SCPEP1: variants seen among roughly 807,000 people sequenced by gnomAD.
The protein encoded by SCPEP1 is retinoid-inducible serine carboxypeptidase.
In SCPEP1, 51 loss-of-function variants were observed where a neutral mutation model predicts 63.8. That is an observed-to-expected ratio of 0.80 (90% CI 0.64 to 1.01). The LOEUF is 1.01. Ranked by LOEUF, SCPEP1 falls within the 50% of genes least tolerant of loss-of-function variation. The pLI, the probability that SCPEP1 is intolerant of heterozygous loss-of-function variation, is 0.00. For missense variants in SCPEP1, 499 were observed against 554.9 expected, an observed-to-expected ratio of 0.90 and a Z score of 1.01; for synonymous variants, 204 against 207.8, an observed-to-expected ratio of 0.98 and a Z score of 0.16.
chr17:56,987,542 T>C, intron 3 of SCPEP1, 153 bp from the exon 4 acceptor site: 1 of 684,750 alleles, frequency 1.5e-6, no homozygotes, highest in African/African-American at 1.8e-5. Flanking sequence ...TCCTGTCCCT[T>C]ATTTTTAAAA....
At position 57,001,035 on chromosome 17, in the gene SCPEP1, G is replaced by C. The variant is rs761926474; in HGVS notation, c.1132+43G>C. Reference sequence around the variant, plus strand: ...GAGGCACCTAGAGGCAGTTTTATGGGTTCAACTGGAAGGGAACTGGCCTTG... The same window carrying C: ...GAGGCACCTAGAGGCAGTTTTATGGCTTCAACTGGAAGGGAACTGGCCTTG... On this transcript the variant is annotated intron_variant, in intron 11 of 12. Coordinates refer to ENST00000262288, the MANE Select transcript of SCPEP1 (RefSeq NM_021626.3). The C allele has an allele frequency of 2.1e-5, 33 of 1,608,692 alleles. No homozygotes were observed. The South Asian group carries it at 3.6e-4, about 18-fold the overall frequency.
Position 56,981,211 on chromosome 17 carries a change from C to T in SCPEP1, c.206C>T (p.Pro69Leu). The change falls in exon 2 of 13, where the codon CCC becomes CTC. Residue 69 changes from proline to leucine, a missense_variant. Transcript: ENST00000262288. ...TNSCKNFSELPLVMWLQGGPG... is the reference protein window; with the variant it reads ...TNSCKNFSELLLVMWLQGGPG... ...TCCTGCAAGAACTTCTCAGAACTGC[C>T]CCTGGTCATGTGGCTTCAGGTAAAG... 1 of 1,614,186 alleles carries T rather than the reference C, an allele frequency of 6.2e-7. No homozygotes were observed. Among genetic ancestry groups the T allele is most frequent in the Non-Finnish European group, 8.5e-7 (1 of 1,180,038 alleles).
rs1368060923 is a variant in SCPEP1 at position 57,006,238 on chromosome 17, T to G, written c.*3T>G. 1 of 1,610,626 alleles carries G rather than the reference T, an allele frequency of 6.2e-7. No individual in the cohort carries two copies. The highest frequency in any genetic ancestry group is 8.5e-7 in the Non-Finnish European group (1 of 1,178,438). On this transcript the variant is annotated 3_prime_UTR_variant, in exon 13 of 13. Coordinates refer to ENST00000262288, the MANE Select transcript of SCPEP1 (RefSeq NM_021626.3). ...GACTGGTGACTCAGCAAGAATAGGA[T>G]GGATGGGGCTGGAGATGAGCTGGTT...
At position 56,991,888 on chromosome 17, in the gene SCPEP1, C is replaced by T. The variant is rs1225917940; in HGVS notation, c.619+717C>T. Reference sequence around the variant, plus strand: ...TACTCAGGAGATGCTAGTAGCACCGCTCCAGTGTGACAACCAGAAATGTCT... The same window carrying T: ...TACTCAGGAGATGCTAGTAGCACCGTTCCAGTGTGACAACCAGAAATGTCT... On this transcript the variant is annotated intron_variant, in intron 6 of 12. Transcript: ENST00000262288. Among the ~76,000 whole-genome samples, 3 of 152,350 alleles carry T rather than the reference C, an allele frequency of 2.0e-5. No individual in the cohort carries two copies. The East Asian group carries it at 5.8e-4, about 29-fold the overall frequency.
chr17:56,978,743 G>C (rs1467116253), intron 1 of SCPEP1, among the ~76,000 whole-genome samples: 1 of 152,104 alleles, frequency 6.6e-6, no homozygotes, highest in Non-Finnish European at 1.5e-5. Context: ...TGTTTAATAG[G>C]ATGACTTGCA....
At chr17:56,983,869 C>T (rs553945242) in intron 2 of SCPEP1, 4 of 151,826 alleles carry the variant, frequency 2.6e-5, no homozygotes, top group Non-Finnish European at 5.9e-5. Flanking sequence ...CACAAATTGC[C>T]CTGGCTTTTG....
intron 11 of SCPEP1, 41 bp downstream of exon 11, chr17:57,001,033 G>A (rs2144507897): frequency 6.2e-7 from 1 of 1,609,146 alleles, no homozygotes; most frequent in Middle Eastern, 1.7e-4. Flanking sequence ...GCAGTTTTAT[G>A]GGTTCAACTG....
At chr17:57,001,878 C>T in intron 11 of SCPEP1, 140 bp from the exon 12 acceptor site, 1 of 871,930 alleles carries the variant, frequency 1.1e-6, no homozygotes. Context: ...TCTTCTGAAT[C>T]AGAATTTGCA....
intron 12 of SCPEP1, among the ~76,000 whole-genome samples, chr17:57,004,789 A>C (rs1175301913): frequency 6.6e-6 from 1 of 152,262 alleles, no homozygotes; most frequent in Admixed American, 6.5e-5. Flanking sequence ...TCAGCCACCC[A>C]TGGCTCTTCA....
intron 6 of SCPEP1, 22 bp downstream of exon 6, chr17:56,991,193 AT>A: frequency 1.9e-6 from 3 of 1,574,600 alleles, no homozygotes; most frequent in Admixed American, 3.3e-5. Flanking sequence ...ATTTTCAGGC[AT>A]TTTTTCACTC....
rs143345051 is a variant in SCPEP1 at position 56,994,042 on chromosome 17, G to C, written c.620-939G>C. ...GCATTTCTCAGAGAGTACTCTAAAA[G>C]AATACCAGTCCAGGCCAGGTGTAGT... is the stretch of plus-strand genomic sequence containing the variant. On this transcript the variant is annotated intron_variant, in intron 6 of 12. Coordinates refer to ENST00000262288, the MANE Select transcript of SCPEP1 (RefSeq NM_021626.3). Among the ~76,000 whole-genome samples, 643 of 152,288 alleles carry C rather than the reference G, an allele frequency of 4.2e-3. 2 individuals are homozygous for C. The highest frequency in any genetic ancestry group is 8.3e-3 in the Admixed American group (127 of 15,300).
chr17:56,993,058 G>A lies in SCPEP1; in HGVS notation c.619+1887G>A, dbSNP rs573510018. Among the ~76,000 whole-genome samples, 4 of 152,216 alleles carry A rather than the reference G, an allele frequency of 2.6e-5. No homozygotes were observed. The Middle Eastern group carries it at 0.014, about 518-fold the overall frequency. ...TTCCATGAACAATTGTTAATTGCTT[G>A]CTAGGTAGTAGATACTGTTCTAGGT... On this transcript the variant is annotated intron_variant, in intron 6 of 12. Transcript: ENST00000262288.
chr17:56,985,759 C>T (rs1159877475), intron 3 of SCPEP1, among the ~76,000 whole-genome samples: 2 of 152,110 alleles, frequency 1.3e-5, no homozygotes, highest in Admixed American at 6.6e-5. Flanking sequence ...GTGTTATGCA[C>T]GCTGGCCATC....
At chr17:57,001,925 C>G in intron 11 of SCPEP1, 93 bp from the exon 12 acceptor site, 2 of 1,283,608 alleles carry the variant, frequency 1.6e-6, no homozygotes, top group Non-Finnish European at 2.2e-6. Context: ...ATGCATATTG[C>G]AGTTTGGGAA....
chr17:56,987,839 A>G lies in SCPEP1; in HGVS notation c.460A>G (p.Lys154Glu). ...VLLKTFFSCH[K>E]EFQTVPFYIF... is the part of the protein sequence containing the mutation. ...CCTGAAGACCTTCTTCAGTTGCCAC[A>G]AAGAATTCCAGGTAAGCAAAGACTC... is the stretch of plus-strand genomic sequence containing the variant. The change falls in exon 4 of 13, where the codon AAA becomes GAA. Residue 154 changes from lysine to glutamate, a missense_variant. Lys to Glu is a moderately conservative substitution (Grantham distance 56). Transcript: ENST00000262288. 3 of 1,614,086 alleles carry G rather than the reference A, an allele frequency of 1.9e-6. No homozygotes were observed. Among genetic ancestry groups the G allele is most frequent in the Non-Finnish European group, 2.5e-6 (3 of 1,179,988 alleles).
chr17:56,990,306 C>T lies in SCPEP1; in HGVS notation c.547-793C>T, dbSNP rs7215654. Among the ~76,000 whole-genome samples the T allele has an allele frequency of 8.5e-5, 13 of 152,258 alleles. No homozygotes were observed. In the East Asian group the frequency reaches 1.2e-3, roughly 14 times the overall value. On this transcript the variant is annotated intron_variant, in intron 5 of 12. Coordinates refer to ENST00000262288, the MANE Select transcript of SCPEP1 (RefSeq NM_021626.3). ...AAAAGACTTTCACATTTCCTTCTAT[C>T]TCCTATGTTTGAATATCAGTGAGCT...
chr17:57,005,079 C>T (rs2144513931), intron 12 of SCPEP1, among the ~76,000 whole-genome samples: 1 of 152,342 alleles, frequency 6.6e-6, no homozygotes, highest in Middle Eastern at 3.4e-3. Context: ...GGTTACTGTA[C>T]TGTAACCCCC....
chr17:56,980,275 C>T (rs1378769708), intron 1 of SCPEP1, among the ~76,000 whole-genome samples: 2 of 152,060 alleles, frequency 1.3e-5, no homozygotes, highest in East Asian at 1.9e-4. Context: ...CCACAATGCC[C>T]AGCTAATTTT....
At chr17:56,982,540 G>A (rs1360554595) in intron 2 of SCPEP1, among the ~76,000 whole-genome samples, 1 of 152,174 alleles carries the variant, frequency 6.6e-6, no homozygotes, top group African/African-American at 2.4e-5. Context: ...TTCACCTCCG[G>A]TGGCTGGAGA....
Sources: gnomAD v4.1 joint callset for allele counts (sites outside exome capture counted in the v4.1 genomes callset) on GRCh38, gnomAD v4.1.1 for gene constraint, MANE v1.5 for transcripts, NCBI Gene and HGNC (gene_info 2026-07-23, HGNC 2026-07-21) for gene names.